FHOD3: variants seen among roughly 807,000 people sequenced by gnomAD.
The protein encoded by FHOD3 is FH1/FH2 domain-containing protein 3.
Under a neutral mutation model 173.0 loss-of-function variants are expected in FHOD3, and 90 were observed. The observed-to-expected ratio is 0.52, with a 90% CI of 0.44 to 0.62. FHOD3 has a LOEUF of 0.62. Ranked by LOEUF, FHOD3 falls within the 20% of genes least tolerant of loss-of-function variation. The pLI is 0.00. For synonymous variants in FHOD3, 828 were observed against 823.0 expected, an observed-to-expected ratio of 1.01 and a Z score of -0.10; for missense variants, 1,945 against 2,034.7, an observed-to-expected ratio of 0.96 and a Z score of 0.85.
At chr18:36,547,866 GGA>G (rs764042527) in intron 5 of FHOD3, among the ~76,000 whole-genome samples, 39 of 152,204 alleles carry the variant, frequency 2.6e-4, no homozygotes, top group Non-Finnish European at 5.1e-4. Context: ...TTAAAGCAGA[GGA>G]GTAAGATTGG....
chr18:36,508,269 CT>C lies in FHOD3; in HGVS notation c.406-4157del, dbSNP rs112692459. On this transcript the variant is annotated intron_variant, in intron 4 of 28. Transcript: ENST00000590592. ...ATGTATATTATCTTAAGCAAATAAGCTTTTTTTTTTTTAAAAAAAGCTAGAA... is the reference window on the plus strand; with the variant it reads ...ATGTATATTATCTTAAGCAAATAAGCTTTTTTTTTTTAAAAAAAGCTAGAA... Among the ~76,000 whole-genome samples, 1,263 of 145,682 alleles carry C rather than the reference CT, an allele frequency of 8.7e-3. 9 individuals carry two copies. Among genetic ancestry groups the C allele is most frequent in the East Asian group, 0.046 (230 of 5,018 alleles).
chr18:36,718,099 G>A lies in FHOD3; in HGVS notation c.2801G>A (p.Arg934Gln), dbSNP rs757282023. 6.9e-6 allele frequency: 11 copies of A among 1,599,490 alleles called. No homozygotes were observed. The highest frequency in any genetic ancestry group is 1.7e-4 in the Middle Eastern group (1 of 6,000). ...RRVDVGCLDNRGSVKAFAEKF... is the reference protein window; with the variant it reads ...RRVDVGCLDNQGSVKAFAEKF... ...GTGGATGTCGGCTGTTTGGACAATC[G>A]GGGCAGTGTGAAAGCATTTGCTGAG... Residue 934 changes from arginine to glutamine, a missense_variant, in exon 19 of 29, where the codon CGG becomes CAG. This residue lies in a region of FHOD3 where 1,099 missense variants were observed against 1,051.2 expected (regional missense o/e 1.05). Coordinates refer to ENST00000590592, the MANE Select transcript of FHOD3 (RefSeq NM_001281740.3).
intron 17 of FHOD3, among the ~76,000 whole-genome samples, chr18:36,706,847 G>T (rs1321640337): frequency 6.6e-6 from 1 of 151,870 alleles, no homozygotes; most frequent in Non-Finnish European, 1.5e-5. Flanking sequence ...ACACATTTTT[G>T]TTTTGATGTG....
In FHOD3 at chr18:36,760,658, T is replaced by C. The variant is rs2042830381; in HGVS notation, c.4500T>C (p.Gly1500=). The change falls in exon 27 of 29, where the codon GGT becomes GGC. Residue 1500 remains glycine, a synonymous_variant. Transcript: ENST00000590592. ...CGGCGCCCCCAAGCCAGCCGCAGGG[T>C]CTGAGCTATGCGGAGGACGCGGCTG... The part of the protein sequence containing the change: ...SSPAPPSQPQ[G]LSYAEDAAEH... 6.2e-7 allele frequency: 1 copy of C among 1,611,902 alleles called. No homozygotes were observed. Among genetic ancestry groups the C allele is most frequent in the African/African-American group, 1.3e-5 (1 of 74,820 alleles).
intron 3 of FHOD3, among the ~76,000 whole-genome samples, chr18:36,399,404 T>G (rs1427866828): frequency 6.6e-6 from 1 of 152,238 alleles, no homozygotes; most frequent in Non-Finnish European, 1.5e-5. Flanking sequence ...GTATTTGAGT[T>G]TTCTGATGTG....
chr18:36,578,285 T>C (rs1006709880), intron 6 of FHOD3, among the ~76,000 whole-genome samples: 1 of 152,106 alleles, frequency 6.6e-6, no homozygotes, highest in Non-Finnish European at 1.5e-5. Context: ...CAAAGGCACA[T>C]CTTACATGGT....
chr18:36,673,215 G>A (rs978825021), intron 14 of FHOD3, among the ~76,000 whole-genome samples: 3 of 152,144 alleles, frequency 2.0e-5, no homozygotes, highest in Admixed American at 6.5e-5. Context: ...TGGGCTAGTT[G>A]TCTTGTATCG....
At chr18:36,506,679 T>G (rs1397009013) in intron 4 of FHOD3, among the ~76,000 whole-genome samples, 1 of 152,220 alleles carries the variant, frequency 6.6e-6, no homozygotes, top group Non-Finnish European at 1.5e-5. Flanking sequence ...TAAGTGATAA[T>G]GAAGATGATA....
chr18:36,379,430 C>T (rs1568194355), intron 3 of FHOD3, among the ~76,000 whole-genome samples: 1 of 152,166 alleles, frequency 6.6e-6, no homozygotes, highest in Non-Finnish European at 1.5e-5. Context: ...TACCTTTCAT[C>T]TCTAGGGATC....
intron 14 of FHOD3, among the ~76,000 whole-genome samples, chr18:36,660,229 A>G (rs898240031): frequency 1.3e-5 from 2 of 152,146 alleles, no homozygotes; most frequent in African/African-American, 4.8e-5. Context: ...AGATTGTGCC[A>G]TTGCACTCCA....
At chr18:36,355,195 A>G (rs574133098) in intron 1 of FHOD3, among the ~76,000 whole-genome samples, 127 of 152,316 alleles carry the variant, frequency 8.3e-4, no homozygotes, top group Non-Finnish European at 9.7e-4. Context: ...CCATGGTCAC[A>G]GCAGCATCGT....
chr18:36,343,022 G>C (rs775369642), intron 1 of FHOD3, among the ~76,000 whole-genome samples: 4 of 152,234 alleles, frequency 2.6e-5, no homozygotes, highest in Non-Finnish European at 5.9e-5. Context: ...ACAACAACTA[G>C]TGTTGGTGAG....
chr18:36,320,122 G>A (rs1460992305), intron 1 of FHOD3, among the ~76,000 whole-genome samples: 3 of 151,926 alleles, frequency 2.0e-5, no homozygotes, highest in Non-Finnish European at 4.4e-5. Flanking sequence ...AGGCAAGAAA[G>A]AACTAAGATC....
chr18:36,337,265 T>C (rs1315739596), intron 1 of FHOD3, among the ~76,000 whole-genome samples: 1 of 152,156 alleles, frequency 6.6e-6, no homozygotes, highest in Non-Finnish European at 1.5e-5. Context: ...GAGTCTGTAC[T>C]GACCATTTGT....
At chr18:36,565,808 T>C (rs950278524) in intron 5 of FHOD3, among the ~76,000 whole-genome samples, 1 of 152,156 alleles carries the variant, frequency 6.6e-6, no homozygotes. Flanking sequence ...CACACATCAG[T>C]GAGAGGAATC....
chr18:36,702,336 C>A (rs951222670), intron 17 of FHOD3, among the ~76,000 whole-genome samples: 2 of 152,216 alleles, frequency 1.3e-5, no homozygotes, highest in Non-Finnish European at 2.9e-5. Context: ...GGTACCCAGG[C>A]TGAGAAACCT....
chr18:36,306,840 C>T (rs1002512432), intron 1 of FHOD3, among the ~76,000 whole-genome samples: 1 of 152,230 alleles, frequency 6.6e-6, no homozygotes, highest in Non-Finnish European at 1.5e-5. Context: ...CTGCTCATCC[C>T]AGCCATTTCC....
intron 1 of FHOD3, among the ~76,000 whole-genome samples, chr18:36,340,407 G>A (rs1262120963): frequency 6.6e-6 from 1 of 152,144 alleles, no homozygotes; most frequent in African/African-American, 2.4e-5. Flanking sequence ...GGGGATTGGA[G>A]CATACATATC....
At chr18:36,695,756 A>C (rs947794330) in intron 17 of FHOD3, among the ~76,000 whole-genome samples, 1 of 152,252 alleles carries the variant, frequency 6.6e-6, no homozygotes, top group African/African-American at 2.4e-5. Context: ...GGCCTTTATG[A>C]CAGAAATGCA....
Sources: gnomAD v4.1 joint callset for allele counts (sites outside exome capture counted in the v4.1 genomes callset) on GRCh38, gnomAD v4.1.1 for gene constraint, gnomAD v4.1.1 regional missense constraint, MANE v1.5 for transcripts, NCBI Gene and HGNC (gene_info 2026-07-23, HGNC 2026-07-21) for gene names.